Variants in TAF15 observed in about 807,000 individuals in gnomAD.
The protein encoded by TAF15 is TATA-box binding protein associated factor 15.
In TAF15, 37 loss-of-function variants were observed where a neutral mutation model predicts 102.5. That is an observed-to-expected ratio of 0.36 (90% CI 0.28 to 0.47). TAF15 has a LOEUF of 0.47. Ranked by LOEUF, TAF15 falls within the 20% of genes least tolerant of loss-of-function variation. TAF15 has a pLI of 0.99. For synonymous variants in TAF15, 273 were observed against 259.2 expected, an observed-to-expected ratio of 1.05 and a Z score of -0.51; for missense variants, 652 against 760.7, an observed-to-expected ratio of 0.86 and a Z score of 1.68.
At chr17:35,816,332 CT>C (rs1405187437) in intron 1 of TAF15, among the ~76,000 whole-genome samples, 11 of 152,234 alleles carry the variant, frequency 7.2e-5, no homozygotes, top group African/African-American at 2.2e-4. Context: ...TACTGAGCCC[CT>C]ATCTCTAAAA....
At chr17:35,813,403 G>A (rs1033277514) in intron 1 of TAF15, among the ~76,000 whole-genome samples, 5 of 152,110 alleles carry the variant, frequency 3.3e-5, no homozygotes, top group Admixed American at 2.6e-4. Flanking sequence ...AGAGGCTGAG[G>A]TGGGTAGATC....
intron 1 of TAF15, among the ~76,000 whole-genome samples, chr17:35,815,106 C>T (rs2087179760): frequency 6.6e-6 from 1 of 152,062 alleles, no homozygotes; most frequent in African/African-American, 2.4e-5. Context: ...TTCAGGCACA[C>T]AGGGAACATG....
Position 35,844,276 on chromosome 17 carries a change from T to C in TAF15, c.1089-4T>C. On this transcript the variant is annotated splice_polypyrimidine_tract_variant and splice_region_variant and intron_variant, in intron 13 of 15. Coordinates refer to ENST00000605844, the MANE Select transcript of TAF15 (RefSeq NM_139215.3). The stretch of plus-strand genomic sequence containing the variant: ...AGGAGCATTATATTTTCCTCCTTTC[T>C]TAGGTCATGCGGAAATATGAACTTT... The C allele has an allele frequency of 6.2e-7, 1 of 1,614,186 alleles. No individual in the cohort carries two copies. Among genetic ancestry groups the C allele is most frequent in the East Asian group, 2.2e-5 (1 of 44,882 alleles).
intron 15 of TAF15, among the ~76,000 whole-genome samples, chr17:35,846,298 C>G (rs1349179531): frequency 6.6e-6 from 1 of 152,178 alleles, no homozygotes; most frequent in Admixed American, 6.5e-5. Context: ...AATAAGACGT[C>G]CTTTTTAGAC....
In TAF15 at chr17:35,846,910, G is replaced by A. The variant is rs748370172; in HGVS notation, c.1744G>A (p.Asp582Asn). The change falls in exon 16 of 16, where the codon GAC becomes AAC. Residue 582 changes from aspartate to asparagine, a missense_variant. Physicochemically the swap from Asp to Asn is conservative, Grantham distance 23 (BLOSUM62 1). Around this residue, in one of 3 missense-constraint regions of TAF15, gnomAD observed 368 missense variants for 367.5 expected, o/e 1.00. Coordinates refer to ENST00000605844, the MANE Select transcript of TAF15 (RefSeq NM_139215.3). ...GYGGKMGGRNDYRNDQRNRPY is the reference protein window; with the variant it reads ...GYGGKMGGRNNYRNDQRNRPY The stretch of plus-strand genomic sequence containing the variant: ...CTCTTTATTTTTCATTCCTAGAAAC[G>A]ACTACAGAAATGATCAGCGCAACCG... The A allele has an allele frequency of 6.8e-6, 11 of 1,613,996 alleles. No homozygotes were observed. Among genetic ancestry groups the A allele is most frequent in the South Asian group, 6.6e-5 (6 of 91,076 alleles).
intron 7 of TAF15, among the ~76,000 whole-genome samples, chr17:35,826,487 T>C (rs1023921513): frequency 1.3e-5 from 2 of 152,042 alleles, no homozygotes; most frequent in African/African-American, 2.4e-5. Flanking sequence ...GTAATTAATA[T>C]GTAAATGAAT....
At position 35,829,359 on chromosome 17, in the gene TAF15, C is replaced by T. The variant is rs868412970; in HGVS notation, c.606-4548C>T. Among the ~76,000 whole-genome samples, 12 of 149,402 alleles carry T rather than the reference C, an allele frequency of 8.0e-5. 1 individual carries two copies. Among genetic ancestry groups the T allele is most frequent in the Admixed American group, 2.7e-4 (4 of 14,998 alleles). On this transcript the variant is annotated intron_variant, in intron 7 of 15. Coordinates refer to ENST00000605844, the MANE Select transcript of TAF15 (RefSeq NM_139215.3). ...TTTATTAAAAGATTTGGAGGCTGGG[C>T]GTGGTAGTCATGCCTGTGATCCCAG...
chr17:35,840,681 T>C (rs1027360687), intron 11 of TAF15, among the ~76,000 whole-genome samples: 3 of 151,862 alleles, frequency 2.0e-5, no homozygotes, highest in African/African-American at 7.3e-5. Flanking sequence ...CTGGCCAACA[T>C]GGTGAAATCC....
At chr17:35,813,336 A>G (rs2087149531) in intron 1 of TAF15, among the ~76,000 whole-genome samples, 1 of 151,968 alleles carries the variant, frequency 6.6e-6, no homozygotes, top group Non-Finnish European at 1.5e-5. Flanking sequence ...GGGGGATAAG[A>G]TATGAAAATG....
intron 7 of TAF15, among the ~76,000 whole-genome samples, chr17:35,827,317 CAG>C (rs1436707883): frequency 1.4e-5 from 2 of 140,802 alleles, no homozygotes; most frequent in African/African-American, 5.3e-5. Context: ...ACCTGGGCAA[CAG>C]AGCAAGACTC....
At position 35,817,988 on chromosome 17, in the gene TAF15, C is replaced by T. The variant is rs148686026; in HGVS notation, c.47+233C>T. Among the ~76,000 whole-genome samples, 694 of 152,080 alleles carry T rather than the reference C, an allele frequency of 4.6e-3. 3 individuals carry two copies. Among genetic ancestry groups the T allele is most frequent in the Non-Finnish European group, 7.9e-3 (536 of 67,986 alleles). ...CTCAGGCTGGAGTGCAGTGGCAAAT[C>T]ATAGTGTACTACAGCCTTAAATTCC... On this transcript the variant is annotated intron_variant, in intron 2 of 15. Coordinates refer to ENST00000605844, the MANE Select transcript of TAF15 (RefSeq NM_139215.3).
intron 1 of TAF15, 161 bp downstream of exon 1, chr17:35,809,737 A>T (rs898292767): frequency 3.2e-6 from 3 of 946,138 alleles, no homozygotes; most frequent in African/African-American, 3.3e-5. Flanking sequence ...AACTGGAGGC[A>T]CGCACGCTCC....
At chr17:35,833,812 C>A in intron 7 of TAF15, 95 bp from the exon 8 acceptor site, 2 of 1,265,320 alleles carry the variant, frequency 1.6e-6, no homozygotes, top group Non-Finnish European at 2.3e-6. Context: ...TTTTCCTAAG[C>A]ACTCTACTTG....
intron 1 of TAF15, among the ~76,000 whole-genome samples, chr17:35,813,470 A>G (rs1040818753): frequency 2.0e-5 from 3 of 152,092 alleles, no homozygotes; most frequent in Non-Finnish European, 2.9e-5. Flanking sequence ...TCCCATCTCT[A>G]CAAAATACAA....
chr17:35,823,217 T>C (rs2087284489), intron 6 of TAF15, among the ~76,000 whole-genome samples: 1 of 152,212 alleles, frequency 6.6e-6, no homozygotes, highest in Non-Finnish European at 1.5e-5. Context: ...ATTGTAAGTG[T>C]AAGTAAGTGC....
rs2087502636 is a variant in TAF15 at position 35,838,489 on chromosome 17, G to A, written c.849G>A (p.Lys283=). ...LYTDKDTGKP[K]GEATVSFDDP... ...CAGACAAGGACACAGGAAAGCCAAA[G>A]GGGGAGGCAACAGTGTCATTTGATG... is the stretch of plus-strand genomic sequence containing the variant. Residue 283 remains lysine, a synonymous_variant, in exon 11 of 16, where the codon AAG becomes AAA. Transcript: ENST00000605844. 6.2e-7 allele frequency: 1 copy of A among 1,614,184 alleles called. No homozygotes were observed. Among genetic ancestry groups the A allele is most frequent in the Non-Finnish European group, 8.5e-7 (1 of 1,180,040 alleles).
rs1190256394 is a variant in TAF15, at chr17:35,834,499, A to AT, written c.641-59dup. On this transcript the variant is annotated intron_variant, in intron 8 of 15. Coordinates refer to ENST00000605844, the MANE Select transcript of TAF15 (RefSeq NM_139215.3). ...ACTTTTCATGCCTTGGTTTATTACT[A>AT]TTTTTTTTGTTAATGATTTTAAATA... 3.7e-5 allele frequency: 55 copies of AT among 1,505,424 alleles called. 1 individual carries two copies. Among genetic ancestry groups the AT allele is most frequent in the South Asian group, 1.7e-4 (15 of 85,798 alleles). The allele number at this position is 1,505,424 out of a possible 1,614,324, so 93.3% of individuals were successfully genotyped here.
chr17:35,817,771 A>G lies in TAF15; in HGVS notation c.47+16A>G, dbSNP rs759663969. The G allele has an allele frequency of 1.2e-6, 2 of 1,611,444 alleles. No homozygotes were observed. The highest frequency in any genetic ancestry group is 3.3e-5 in the Admixed American group (2 of 60,022). On this transcript the variant is annotated intron_variant, in intron 2 of 15. Transcript: ENST00000605844. ...AGCAGCAAAGGTAAAGTATACATACATTTTAATAATATGAAAGGGTAGAAC... is the reference window on the plus strand; with the variant it reads ...AGCAGCAAAGGTAAAGTATACATACGTTTTAATAATATGAAAGGGTAGAAC...
chr17:35,842,881 C>T (rs537210984), intron 12 of TAF15, among the ~76,000 whole-genome samples: 63 of 151,902 alleles, frequency 4.1e-4, no homozygotes, highest in Non-Finnish European at 7.8e-4. Context: ...TACAGGCGTG[C>T]GCCACCATGT....
Sources: gnomAD v4.1 joint callset for allele counts (sites outside exome capture counted in the v4.1 genomes callset) on GRCh38, gnomAD v4.1.1 for gene constraint, gnomAD v4.1.1 regional missense constraint, MANE v1.5 for transcripts, NCBI Gene and HGNC (gene_info 2026-07-23, HGNC 2026-07-21) for gene names.